Variants in GMDS observed in about 807,000 individuals in gnomAD.
GMDS encodes the protein GDP-mannose 4,6-dehydratase, also known as GDP-mannose 4,6 dehydratase.
GMDS carries 20 observed loss-of-function variants against 49.9 expected under a neutral mutation model. The ratio of observed to expected loss-of-function variants is 0.40; its 90% CI spans 0.28 to 0.58. The LOEUF is 0.58. Among genes scored for constraint, GMDS ranks in the 20% least tolerant of loss-of-function variants. The pLI, the probability that GMDS is intolerant of heterozygous loss-of-function variation, is 0.42. For synonymous variants in GMDS, 177 were observed against 178.6 expected, an observed-to-expected ratio of 0.99 and a Z score of 0.07; for missense variants, 362 against 481.4, an observed-to-expected ratio of 0.75 and a Z score of 2.32.
intron 7 of GMDS, among the ~76,000 whole-genome samples, chr6:1,812,632 CA>C (rs1418529862): frequency 6.6e-6 from 1 of 152,074 alleles, no homozygotes; most frequent in Non-Finnish European, 1.5e-5. Flanking sequence ...AGGAGGAGGA[CA>C]ACTCGATTCC....
At chr6:2,182,334 T>TACA (rs1778587515) in intron 1 of GMDS, among the ~76,000 whole-genome samples, 1 of 152,206 alleles carries the variant, frequency 6.6e-6, no homozygotes, top group South Asian at 2.1e-4. Flanking sequence ...ATAGAGAAGC[T>TACA]ACAAGTCAGC....
At chr6:1,965,525 AAAGCTTAG>A (rs1200968449) in intron 4 of GMDS, among the ~76,000 whole-genome samples, 2 of 152,178 alleles carry the variant, frequency 1.3e-5, no homozygotes, top group Non-Finnish European at 2.9e-5. Context: ...ATCAATTCCT[AAAGCTTAG>A]AAGTGTTGGC....
intron 4 of GMDS, among the ~76,000 whole-genome samples, chr6:1,983,855 C>A (rs967179954): frequency 2.6e-5 from 4 of 152,174 alleles, no homozygotes; most frequent in Non-Finnish European, 5.9e-5. Flanking sequence ...TTTTATCCAG[C>A]AATCCCATTA....
chr6:1,872,797 G>GTAT (rs1758841221), intron 7 of GMDS, among the ~76,000 whole-genome samples: 1 of 152,254 alleles, frequency 6.6e-6, no homozygotes, highest in African/African-American at 2.4e-5. Flanking sequence ...GAGATGACAA[G>GTAT]TATTACACAG....
intron 1 of GMDS, among the ~76,000 whole-genome samples, chr6:2,139,308 G>A (rs1776163739): frequency 6.6e-6 from 1 of 152,188 alleles, no homozygotes; most frequent in South Asian, 2.1e-4. Flanking sequence ...ACTATAAAGT[G>A]AGAACACAGA....
intron 7 of GMDS, among the ~76,000 whole-genome samples, chr6:1,762,836 T>G (rs949302866): frequency 1.3e-5 from 2 of 152,252 alleles, no homozygotes; most frequent in Non-Finnish European, 2.9e-5. Context: ...CTGATAAATT[T>G]TAAATGTGTT....
intron 4 of GMDS, among the ~76,000 whole-genome samples, chr6:2,014,164 T>C (rs991665550): frequency 5.3e-5 from 6 of 112,150 alleles, no homozygotes; most frequent in African/African-American, 1.4e-4. Flanking sequence ...CAAATAAAAC[T>C]GAGGGAATGT....
chr6:1,881,956 TCA>T (rs974646870), intron 7 of GMDS, among the ~76,000 whole-genome samples: 1 of 152,194 alleles, frequency 6.6e-6, no homozygotes, highest in African/African-American at 2.4e-5. Flanking sequence ...ACAGTAAAAC[TCA>T]CAGAGTTTTT....
At chr6:1,856,285 C>A (rs114133281) in intron 7 of GMDS, among the ~76,000 whole-genome samples, 370 of 152,328 alleles carry the variant, frequency 2.4e-3, no homozygotes, top group South Asian at 0.012. Context: ...ATAATTCACA[C>A]AGGCTTGCCA....
intron 9 of GMDS, among the ~76,000 whole-genome samples, chr6:1,722,830 T>A (rs1766432526): frequency 6.6e-6 from 1 of 152,228 alleles, no homozygotes; most frequent in African/African-American, 2.4e-5. Flanking sequence ...CAGAAAATTA[T>A]ACACAAGACA....
At chr6:2,210,252 A>G (rs1317913836) in intron 1 of GMDS, among the ~76,000 whole-genome samples, 1 of 152,202 alleles carries the variant, frequency 6.6e-6, no homozygotes. Flanking sequence ...GGCCAAGTTC[A>G]TCTCCATAAG....
At chr6:1,797,161 C>T (rs534328884) in intron 7 of GMDS, among the ~76,000 whole-genome samples, 3 of 152,258 alleles carry the variant, frequency 2.0e-5, no homozygotes, top group African/African-American at 7.2e-5. Flanking sequence ...CTCACAGGAG[C>T]GTGAACCCTA....
At chr6:2,159,393 C>T (rs956438406) in intron 1 of GMDS, among the ~76,000 whole-genome samples, 4 of 151,440 alleles carry the variant, frequency 2.6e-5, no homozygotes, top group Admixed American at 6.6e-5. Context: ...CCAATTTTAA[C>T]GTTTTATGAT....
intron 4 of GMDS, among the ~76,000 whole-genome samples, chr6:2,009,962 A>AC (rs1767447631): frequency 6.6e-6 from 1 of 152,200 alleles, no homozygotes; most frequent in African/African-American, 2.4e-5. Context: ...ACTGTCATAA[A>AC]TTGATAAAGA....
chr6:1,964,731 C>T (rs935876727), intron 4 of GMDS, among the ~76,000 whole-genome samples: 7 of 152,002 alleles, frequency 4.6e-5, no homozygotes, highest in African/African-American at 7.3e-5. Context: ...GTGCACAGTG[C>T]GCAGGTTACA....
At chr6:1,813,238 A>C (rs987422842) in intron 7 of GMDS, among the ~76,000 whole-genome samples, 16 of 151,370 alleles carry the variant, frequency 1.1e-4, no homozygotes, top group East Asian at 9.7e-4. Context: ...AAAAAAAAAA[A>C]AAAAAAAAAA....
intron 1 of GMDS, among the ~76,000 whole-genome samples, chr6:2,185,897 A>G (rs1778758048): frequency 6.6e-6 from 1 of 152,188 alleles, no homozygotes; most frequent in African/African-American, 2.4e-5. Flanking sequence ...TCAACTCATT[A>G]TCTCCCCCAA....
chr6:2,090,656 G>A (rs1458366955), intron 4 of GMDS, among the ~76,000 whole-genome samples: 1 of 151,936 alleles, frequency 6.6e-6, no homozygotes, highest in Non-Finnish European at 1.5e-5. Flanking sequence ...TAATTACAGT[G>A]GAATAAAAAC....
intron 1 of GMDS, among the ~76,000 whole-genome samples, chr6:2,128,745 G>A (rs1307926944): frequency 1.3e-5 from 2 of 152,206 alleles, no homozygotes; most frequent in Admixed American, 1.3e-4. Context: ...CCATTACAGG[G>A]TATTTTATGG....
Sources: gnomAD v4.1 joint callset for allele counts (sites outside exome capture counted in the v4.1 genomes callset) on GRCh38, gnomAD v4.1.1 for gene constraint, MANE v1.5 for transcripts, NCBI Gene and HGNC (gene_info 2026-07-23, HGNC 2026-07-21) for gene names.